APOL5: variants seen among roughly 807,000 people sequenced by gnomAD.
The protein encoded by APOL5 is apolipoprotein L, 5.
In APOL5, 29 loss-of-function variants were observed where a neutral mutation model predicts 35.5. The ratio of observed to expected loss-of-function variants is 0.82; its 90% confidence interval spans 0.61 to 1.11. APOL5 has a LOEUF of 1.11. APOL5 is among the 50% of genes most tolerant of loss of function. The pLI is 0.00. For synonymous variants in APOL5, 188 were observed against 200.2 expected (o/e 0.94, Z 0.51); for missense variants, 514 against 530.4 (o/e 0.97, Z 0.30).
At chr22:35,712,194 A>G in the APOL5 span, among the ~76,000 whole-genome samples, 1 of 151,716 alleles carries the variant, frequency 6.6e-6, no homozygotes, top group African/African-American at 2.4e-5. Context: ...ATTTTTGTGG[A>G]GACAGGGTCT....
Position 35,726,346 on chromosome 22 carries a change from G to A in APOL5, c.278G>A (p.Gly93Glu), listed in dbSNP as rs1601899371. 6.2e-7 allele frequency: 1 copy of A among 1,614,178 alleles called. No homozygotes were observed. Among genetic ancestry groups the A allele is most frequent in the East Asian group, 2.2e-5 (1 of 44,886 alleles). ...MRCDKDSMPD[G>E]NLSEEEKLFL... ...TGTGACAAAGATTCCATGCCAGATG[G>A]AAATCTGTCAGAGGAGGAAAAATTG... The change falls in exon 3 of 5, where the codon GGA (glycine) becomes GAA (glutamate). Residue 93 changes from glycine (G) to glutamate (E), a missense_variant. Gly to Glu is a moderately conservative substitution (Grantham distance 98, BLOSUM62 -2). This residue lies in a region of APOL5 where 254 missense variants were observed against 254.7 expected (regional missense o/e 1.00). Transcript: ENST00000249044.
chr22:35,713,397 G>A (rs535459651), upstream of APOL5, among the ~76,000 whole-genome samples: 2 of 152,302 alleles, frequency 1.3e-5, no homozygotes, highest in East Asian at 3.9e-4. Flanking sequence ...GTCCCTCCCT[G>A]CACCCTCTCT....
At chr22:35,723,023 G>A (rs1194398679) in intron 2 of APOL5, among the ~76,000 whole-genome samples, 2 of 152,192 alleles carry the variant, frequency 1.3e-5, no homozygotes, top group African/African-American at 4.8e-5. Context: ...GTGACTTGAA[G>A]ATGAGGAAGG....
At chr22:35,711,644 T>TTCCTTCCC in the APOL5 span, among the ~76,000 whole-genome samples, 12 of 145,554 alleles carry the variant, frequency 8.2e-5, no homozygotes, top group East Asian at 2.1e-4. Context: ...CCTTCCTTCC[T>TTCCTTCCC]TCCCTCCCTC....
At chr22:35,728,981 T>A in intron 4 of APOL5, 77 bp downstream of exon 4, 3 of 1,413,094 alleles carry the variant, frequency 2.1e-6, no homozygotes, top group Non-Finnish European at 2.8e-6. Context: ...TGGGTGGGCT[T>A]CAGGGAAAGA....
chr22:35,717,824 C>T, upstream of APOL5: 1 of 1,369,766 alleles, frequency 7.3e-7, no homozygotes, highest in Non-Finnish European at 9.8e-7. Context: ...AGAAGGGAGT[C>T]ATATTTATTA....
intron 2 of APOL5, 125 bp from the exon 3 acceptor site, chr22:35,726,086 C>T: frequency 9.0e-7 from 1 of 1,105,802 alleles, no homozygotes; most frequent in Non-Finnish European, 1.3e-6. Flanking sequence ...GGTCAGACCC[C>T]TTTCACTGCT....
chr22:35,720,606 G>C lies in APOL5; in HGVS notation c.94G>C (p.Val32Leu). ...TTGTAAAGAAATGTGGCTTCGAAAG[G>C]TAATCTACGGAGGTGAGGTCTGGGG... ...EGCKEMWLRKVIYGGEVWGKS... is the reference protein window; with the variant it reads ...EGCKEMWLRKLIYGGEVWGKS... The change falls in exon 2 of 5, where the codon GTA (valine) becomes CTA (leucine). Residue 32 changes from valine to leucine, a missense_variant. Physicochemically the swap from Val to Leu is conservative, Grantham distance 32. Coordinates refer to ENST00000249044, the MANE Select transcript of APOL5 (RefSeq NM_030642.1). The C allele has an allele frequency of 6.2e-7, 1 of 1,614,166 alleles. No homozygotes were observed. Among genetic ancestry groups the C allele is most frequent in the Non-Finnish European group, 8.5e-7 (1 of 1,180,030 alleles).
At chr22:35,718,262 C>T (rs1926829217) in intron 1 of APOL5, among the ~76,000 whole-genome samples, 1 of 152,178 alleles carries the variant, frequency 6.6e-6, no homozygotes, top group Admixed American at 6.5e-5. Flanking sequence ...AAAGTAGAGG[C>T]AGCAGGCAGG....
upstream of APOL5, among the ~76,000 whole-genome samples, chr22:35,716,674 C>T (rs575172024): frequency 4.6e-5 from 7 of 152,282 alleles, no homozygotes; most frequent in Admixed American, 4.6e-4. Flanking sequence ...ATCTCCCTCC[C>T]TGAGCTAAGC....
rs1384271327 is a variant in APOL5, at chr22:35,718,751, A to G, written c.55+825A>G. ...GCAAGATGGAAAATACTTGTATAAC[A>G]TTACATTTTAAAAACAGGGCACGTG... is the stretch of plus-strand genomic sequence containing the variant. On this transcript the variant is annotated intron_variant, in intron 1 of 4. Coordinates refer to ENST00000249044, the MANE Select transcript of APOL5 (RefSeq NM_030642.1). Among the ~76,000 whole-genome samples the G allele has an allele frequency of 2.0e-5, 3 of 152,124 alleles. No homozygotes were observed. The East Asian group carries it at 5.8e-4, about 30-fold the overall frequency.
upstream of APOL5, among the ~76,000 whole-genome samples, chr22:35,713,664 G>C (rs1379920270): frequency 6.6e-6 from 1 of 152,144 alleles, no homozygotes; most frequent in Non-Finnish European, 1.5e-5. Context: ...AGGATCCATT[G>C]TCATCTGCAG....
At chr22:35,720,446 T>TCTAA (rs34534260) in intron 1 of APOL5, 122 bp from the exon 2 acceptor site, 240,188 of 716,470 alleles carry the variant, frequency 0.34, 40,067 homozygotes, top group East Asian at 0.55. Flanking sequence ...TTTGTTGTAT[T>TCTAA]CTTTTTTTTT....
chr22:35,728,286 C>G (rs955115491), intron 3 of APOL5, among the ~76,000 whole-genome samples: 2 of 152,118 alleles, frequency 1.3e-5, no homozygotes, highest in African/African-American at 4.8e-5. Context: ...TGCAGTGGCG[C>G]CATCTTGGCT....
chr22:35,724,698 C>T (rs1927090256), intron 2 of APOL5, among the ~76,000 whole-genome samples: 1 of 151,932 alleles, frequency 6.6e-6, no homozygotes, highest in South Asian at 2.1e-4. Flanking sequence ...AACCTCCCCG[C>T]CTCCTAGGTT....
intron 3 of APOL5, 30 bp downstream of exon 3, chr22:35,727,224 G>A (rs762872359): frequency 8.9e-6 from 14 of 1,571,514 alleles, no homozygotes; most frequent in Non-Finnish European, 1.2e-5. Flanking sequence ...CACGGACGTG[G>A]TCTTGCTCTT....
rs866880353 is a variant in APOL5 at position 35,726,214 on chromosome 22, C to T, written c.146C>T (p.Ser49Leu). The change falls in exon 3 of 5, where the codon TCA (serine) becomes TTA (leucine). Residue 49 changes from serine (S) to leucine (L), a missense_variant. Physicochemically the swap from Ser to Leu is moderately radical, Grantham distance 145. Coordinates refer to ENST00000249044, the MANE Select transcript of APOL5 (RefSeq NM_030642.1). The stretch of plus-strand genomic sequence containing the variant: ...CAGATTGCCTAGATGTCTTTAGCCT[C>T]ACTCGTGAACCTGTGCCAGAGTTGG... ...WGKSPEPEFP[S>L]LVNLCQSWKI... 17 of 1,606,722 alleles carry T rather than the reference C, an allele frequency of 1.1e-5. No homozygotes were observed. The highest frequency in any genetic ancestry group is 1.4e-5 in the Non-Finnish European group (17 of 1,173,888).
Position 35,728,910 on chromosome 22 carries a change from T to C in APOL5, c.*6+6T>C, listed in dbSNP as rs1477672656. ...GACACCGACAATGAGAAGAGGTAAG[T>C]GGGACGCAAGGAAGCCAGGAGCTGT... On this transcript the variant is annotated splice_donor_region_variant and intron_variant, in intron 4 of 4. Transcript: ENST00000249044. The C allele has an allele frequency of 6.3e-7, 1 of 1,578,962 alleles. No individual in the cohort carries two copies. Among genetic ancestry groups the C allele is most frequent in the Non-Finnish European group, 8.6e-7 (1 of 1,162,982 alleles).
At chr22:35,712,965 C>T (rs898577835), upstream of APOL5, among the ~76,000 whole-genome samples, 9 of 152,196 alleles carry the variant, frequency 5.9e-5, no homozygotes, top group East Asian at 1.9e-4. Flanking sequence ...GGAACCAATC[C>T]GGATTCACTG....
Sources: allele counts gnomAD v4.1 joint callset (sites outside exome capture counted in the v4.1 genomes callset), GRCh38; gene constraint gnomAD v4.1.1; regional missense constraint gnomAD v4.1.1; transcripts MANE v1.5; gene names NCBI Gene and HGNC (gene_info 2026-07-23, HGNC 2026-07-21).